Variants in BAHD1 observed in about 807,000 individuals in gnomAD.
The protein encoded by BAHD1 is bromo adjacent homology domain-containing 1 protein.
Under a neutral mutation model 63.1 loss-of-function variants are expected in BAHD1, and 20 were observed. The ratio of observed to expected loss-of-function variants is 0.32; its 90% CI spans 0.22 to 0.46. The LOEUF is 0.46. Ranked by LOEUF, BAHD1 falls within the 20% of genes least tolerant of loss-of-function variation. BAHD1 has a pLI of 1.00. For missense variants in BAHD1, 939 were observed against 1,071.8 expected (o/e 0.88, Z 1.73); for synonymous variants, 408 against 426.8 (o/e 0.96, Z 0.54).
rs1187820513 is a variant in BAHD1, at chr15:40,466,152, G to A, written c.*22G>A. ...GTAGCCTCCTCATGCCCATGCTGGG[G>A]CTACCCATGGGCAAGTGGGGCTCGG... is the stretch of plus-strand genomic sequence containing the variant. On this transcript the variant is annotated 3_prime_UTR_variant, in exon 7 of 7. Transcript: ENST00000416165. The A allele has an allele frequency of 6.2e-7, 1 of 1,605,362 alleles. No individual in the cohort carries two copies. The highest frequency in any genetic ancestry group is 8.5e-7 in the Non-Finnish European group (1 of 1,175,230).
At position 40,466,749 on chromosome 15, in the gene BAHD1, A is replaced by G. The variant is rs1251398577; in HGVS notation, c.*619A>G. 2 of 152,360 alleles carry G rather than the reference A, an allele frequency of 1.3e-5. No homozygotes were observed. Among genetic ancestry groups the G allele is most frequent in the Non-Finnish European group, 2.9e-5 (2 of 68,052 alleles). The allele number at this position is 152,360 out of a possible 1,614,324, so 9.4% of individuals were successfully genotyped here. A position where few individuals can be genotyped will look rare whatever the true frequency, so the allele number is the denominator to read the frequency against. ...TGCAGTAGCAACTGGTGCTGGGACA[A>G]GTTGACCCACCTCTCACAGTCATGG... is the stretch of plus-strand genomic sequence containing the variant. On this transcript the variant is annotated 3_prime_UTR_variant, in exon 7 of 7. Coordinates refer to ENST00000416165, the MANE Select transcript of BAHD1 (RefSeq NM_014952.5).
Position 40,462,312 on chromosome 15 carries a change from G to C in BAHD1, c.1815+18G>C, listed in dbSNP as rs1201370762. Reference sequence around the variant, plus strand: ...ATGTCTTGGTAAGTGCTAGCTCTTAGCTGATGACGAGAGGGAGGGAGGCAG... The same window carrying C: ...ATGTCTTGGTAAGTGCTAGCTCTTACCTGATGACGAGAGGGAGGGAGGCAG... On this transcript the variant is annotated intron_variant, in intron 3 of 6. Coordinates refer to ENST00000416165, the MANE Select transcript of BAHD1 (RefSeq NM_014952.5). The C allele has an allele frequency of 6.3e-7, 1 of 1,579,124 alleles. No individual in the cohort carries two copies. The highest frequency in any genetic ancestry group is 8.6e-7 in the Non-Finnish European group (1 of 1,157,696).
rs578160651 is a variant in BAHD1 at position 40,458,643 on chromosome 15, G to A, written c.179G>A (p.Arg60His). The change falls in exon 2 of 7, where the codon CGC (arginine) becomes CAC (histidine). Residue 60 changes from arginine (R) to histidine (H), a missense_variant. Arg to His is a conservative substitution (Grantham distance 29). This residue lies in a region of BAHD1 where 797 missense variants were observed against 813.3 expected (regional missense o/e 0.98). Transcript: ENST00000416165. The surrounding 1 kb of genome is among the most constrained non-coding windows in gnomAD (Gnocchi z 4.7). ...GRRKNYPLRK[R>H]PLVPEKPKAC... The stretch of plus-strand genomic sequence containing the variant: ...CGCAAGAATTACCCACTTCGTAAGC[G>A]CCCATTGGTTCCTGAGAAGCCCAAG... 28 of 1,613,848 alleles carry A rather than the reference G, an allele frequency of 1.7e-5. No homozygotes were observed. The highest frequency in any genetic ancestry group is 3.3e-5 in the Admixed American group (2 of 60,000).
intron 1 of BAHD1, among the ~76,000 whole-genome samples, chr15:40,447,491 C>G (rs1048770322): frequency 6.6e-6 from 1 of 151,376 alleles, no homozygotes; most frequent in Non-Finnish European, 1.5e-5. Flanking sequence ...TGTTTGAACC[C>G]AGGAGACAGA....
intron 1 of BAHD1, among the ~76,000 whole-genome samples, chr15:40,456,747 C>A (rs1317412874): frequency 6.6e-6 from 1 of 152,220 alleles, no homozygotes; most frequent in African/African-American, 2.4e-5. Context: ...CTCTCAGTTC[C>A]TCTGTAGAAT....
In BAHD1 at chr15:40,455,777, G is replaced by A. The variant is rs147853614; in HGVS notation, c.-14-2674G>A. 3.1e-3 allele frequency among the ~76,000 whole-genome samples: 465 copies of A among 152,306 alleles called. 2 individuals carry two copies. The highest frequency in any genetic ancestry group is 6.8e-3 in the Middle Eastern group (2 of 294). On this transcript the variant is annotated intron_variant, in intron 1 of 6. Coordinates refer to ENST00000416165, the MANE Select transcript of BAHD1 (RefSeq NM_014952.5). The stretch of plus-strand genomic sequence containing the variant: ...GGGGCCTGTTGAGGGGCTTTGGCCC[G>A]TGCTCAAATGCATGGTCTGTTCACT...
At chr15:40,455,861 AGATACT>A (rs148692080) in intron 1 of BAHD1, among the ~76,000 whole-genome samples, 4,776 of 152,252 alleles carry the variant, frequency 0.031, 252 homozygotes, top group African/African-American at 0.11. Context: ...GCTCCCTAGG[AGATACT>A]GATGTGCTTC....
intron 1 of BAHD1, chr15:40,443,265 C>G (rs1186368836): frequency 1.0e-6 from 1 of 985,312 alleles, no homozygotes; most frequent in African/African-American, 1.7e-5. Flanking sequence ...GGCCACCCCC[C>G]ATGGACCTCC....
At position 40,467,458 on chromosome 15, in the gene BAHD1, C is replaced by G. The variant is rs1046485677; in HGVS notation, c.*1328C>G. On this transcript the variant is annotated 3_prime_UTR_variant, in exon 7 of 7. Transcript: ENST00000416165. ...TGAGCACTTCCACAAGGGCATACCC[C>G]TGGGGGCAGGGGCTGGGGCTGAGAA... 6.5e-6 allele frequency: 1 copy of G among 153,068 alleles called. No individual in the cohort carries two copies. The highest frequency in any genetic ancestry group is 2.4e-5 in the African/African-American group (1 of 41,438). 9.5% of individuals were successfully genotyped at this position (153,068 alleles called of 1,614,324 possible).
upstream of BAHD1, among the ~76,000 whole-genome samples, chr15:40,439,219 C>T (rs115619058): frequency 8.4e-3 from 1,280 of 152,272 alleles, 15 homozygotes; most frequent in African/African-American, 0.029. Flanking sequence ...GAGACATTTC[C>T]GTGCCACAGT....
chr15:40,442,354 C>T (rs1642913480), intron 1 of BAHD1, among the ~76,000 whole-genome samples: 1 of 152,032 alleles, frequency 6.6e-6, no homozygotes, highest in Non-Finnish European at 1.5e-5. Flanking sequence ...GCCGCTCTAG[C>T]CGCTCGCTGT....
At chr15:40,443,373 T>C (rs1007701795) in intron 1 of BAHD1, 8 of 909,348 alleles carry the variant, frequency 8.8e-6, no homozygotes, top group Non-Finnish European at 9.2e-6. Context: ...TGAGATAATT[T>C]AATTGCATGT....
chr15:40,445,222 T>C (rs1453247057), intron 1 of BAHD1, among the ~76,000 whole-genome samples: 1 of 128,004 alleles, frequency 7.8e-6, no homozygotes, highest in Non-Finnish European at 1.6e-5. Context: ...TCATCCCCGG[T>C]GCAAATTAAA....
chr15:40,458,682 T>C lies in BAHD1; in HGVS notation c.218T>C (p.Leu73Pro). The change falls in exon 2 of 7, where the codon CTG becomes CCG. Residue 73 changes from leucine (L) to proline (P), a missense_variant. Transcript: ENST00000416165. The surrounding 1 kb of genome is among the most constrained non-coding windows in gnomAD (Gnocchi z 4.7). ...VPEKPKACKVLLTRLENVAGP... is the reference protein window; with the variant it reads ...VPEKPKACKVPLTRLENVAGP... ...GAGAAGCCCAAGGCCTGCAAAGTGC[T>C]GCTGACTCGCCTGGAGAATGTGGCC... is the stretch of plus-strand genomic sequence containing the variant. The C allele has an allele frequency of 1.2e-6, 2 of 1,613,934 alleles. No individual in the cohort carries two copies. Among genetic ancestry groups the C allele is most frequent in the Non-Finnish European group, 1.7e-6 (2 of 1,180,004 alleles).
At chr15:40,464,330 G>C (rs1894140849) in intron 4 of BAHD1, 141 bp from the exon 5 acceptor site, 1 of 734,806 alleles carries the variant, frequency 1.4e-6, no homozygotes, top group African/African-American at 1.7e-5. Context: ...CTGAATGCTT[G>C]GCCTGGGGCA....
chr15:40,461,601 C>T (rs1479434609), intron 2 of BAHD1, among the ~76,000 whole-genome samples: 1 of 151,904 alleles, frequency 6.6e-6, no homozygotes, highest in East Asian at 1.9e-4. Context: ...GATAGCACCA[C>T]TGCACTCTAG....
chr15:40,460,499 G>A (rs1217260510), intron 2 of BAHD1, among the ~76,000 whole-genome samples: 2 of 152,144 alleles, frequency 1.3e-5, no homozygotes, highest in Admixed American at 1.3e-4. Context: ...GGTGCACCAT[G>A]AGAACAGACA....
At chr15:40,464,418 C>T in intron 4 of BAHD1, 53 bp from the exon 5 acceptor site, 1 of 1,510,922 alleles carries the variant, frequency 6.6e-7, no homozygotes, top group Non-Finnish European at 9.1e-7. Flanking sequence ...CTCTGCCTGT[C>T]TAAGTAACTC....
At chr15:40,444,291 G>T (rs1205277601) in intron 1 of BAHD1, among the ~76,000 whole-genome samples, 1 of 152,188 alleles carries the variant, frequency 6.6e-6, no homozygotes, top group East Asian at 1.9e-4. Flanking sequence ...AGCCCTTTCT[G>T]TCAAAGGCAT....
Sources: allele counts gnomAD v4.1 joint callset (sites outside exome capture counted in the v4.1 genomes callset), GRCh38; gene constraint gnomAD v4.1.1; regional missense constraint gnomAD v4.1.1; non-coding constraint Gnocchi (gnomAD v3.1); transcripts MANE v1.5; gene names NCBI Gene and HGNC (gene_info 2026-07-23, HGNC 2026-07-21).